SMAD5: variants seen among roughly 807,000 people sequenced by gnomAD.
The protein encoded by SMAD5 is SMAD family member 5.
SMAD5 carries 9 observed loss-of-function variants against 43.1 expected under a neutral mutation model. The observed-to-expected ratio is 0.21, with a 90% CI of 0.13 to 0.36. The LOEUF is 0.36. SMAD5 is among the 10% of genes least tolerant of loss of function. The probability of loss-of-function intolerance (pLI) is 1.00; values close to 1 mark genes in which losing one functional copy is unlikely to be tolerated. For synonymous variants in SMAD5, 190 were observed against 192.4 expected (o/e 0.99, Z 0.10); for missense variants, 348 against 574.0 (o/e 0.61, Z 4.02).
In SMAD5 at chr5:136,174,437, A is replaced by G; in HGVS notation, c.1059A>G (p.Ile353Met). The G allele has an allele frequency of 6.2e-7, 1 of 1,613,742 alleles. No individual in the cohort carries two copies. The highest frequency in any genetic ancestry group is 8.5e-7 in the Non-Finnish European group (1 of 1,179,654). Residue 353 changes from isoleucine (I) to methionine (M), a missense_variant, in exon 7 of 8, where the codon ATA becomes ATG. By Grantham distance (10) the Ile-to-Met change is conservative (BLOSUM62 1). Coordinates refer to ENST00000545279, the MANE Select transcript of SMAD5 (RefSeq NM_005903.7). ...CGGAATGCCTCAGTGACAGCAGCAT[A>G]TTTGTACAGAGTAGGAACTGCAACT... Reference protein sequence around the residue: ...VYAECLSDSSIFVQSRNCNFH... With the variant: ...VYAECLSDSSMFVQSRNCNFH...
Position 136,174,511 on chromosome 5 carries a change from G to A in SMAD5, c.1133G>A (p.Cys378Tyr). The A allele has an allele frequency of 6.2e-7, 1 of 1,613,924 alleles. No homozygotes were observed. The highest frequency in any genetic ancestry group is 1.1e-5 in the South Asian group (1 of 91,082). Residue 378 changes from cysteine to tyrosine, a missense_variant, in exon 7 of 8, where the codon TGC becomes TAC. By Grantham distance (194) the Cys-to-Tyr change is radical. Around this residue, in one of 5 missense-constraint regions of SMAD5, gnomAD observed 97 missense variants for 211.8 expected, o/e 0.46. Transcript: ENST00000545279. Reference sequence around the variant, plus strand: ...ACTGTCTGTAAGATTCCCAGCAGCTGCAGCCTCAAAATTTTTAACAATCAG... The same window carrying A: ...ACTGTCTGTAAGATTCCCAGCAGCTACAGCCTCAAAATTTTTAACAATCAG... ...PTTVCKIPSSCSLKIFNNQEF... is the reference protein window; with the variant it reads ...PTTVCKIPSSYSLKIFNNQEF...
Position 136,153,985 on chromosome 5 carries a change from C to G in SMAD5, c.225C>G (p.Arg75=), listed in dbSNP as rs532873646. 1.2e-5 allele frequency: 19 copies of G among 1,610,286 alleles called. No individual in the cohort carries two copies. In the East Asian group the frequency reaches 3.8e-4, roughly 32 times the overall value. ...CVTIPRSLDG[R]LQVSHRKGLP... ...CTATTCCCAGATCTTTAGATGGACG[C>G]CTGCAGGTTTCTCACAGAAAAGGCT... Residue 75 remains arginine (R), a synonymous_variant, in exon 3 of 8, where the codon CGC becomes CGG. Transcript: ENST00000545279.
At chr5:136,142,009 G>A (rs1356026231) in intron 1 of SMAD5, among the ~76,000 whole-genome samples, 1 of 152,118 alleles carries the variant, frequency 6.6e-6, no homozygotes, top group East Asian at 1.9e-4. Flanking sequence ...TATAGAATTA[G>A]ATGAAGCAGA....
intron 7 of SMAD5, among the ~76,000 whole-genome samples, chr5:136,175,136 A>C (rs894195889): frequency 1.3e-5 from 2 of 152,138 alleles, no homozygotes; most frequent in Admixed American, 6.5e-5. Flanking sequence ...AAACTATCGG[A>C]TCTTATGAGA....
chr5:136,138,672 AC>A (rs776866803), intron 1 of SMAD5, among the ~76,000 whole-genome samples: 211 of 151,866 alleles, frequency 1.4e-3, no homozygotes, highest in Non-Finnish European at 2.4e-3. Flanking sequence ...TTAAAGCTTT[AC>A]CCCCACATCC....
At position 136,164,858 on chromosome 5, in the gene SMAD5, T is replaced by G. The variant is rs75363254; in HGVS notation, c.775+1467T>G. On this transcript the variant is annotated intron_variant, in intron 5 of 7. Transcript: ENST00000545279. The stretch of plus-strand genomic sequence containing the variant: ...AAGTTCTATAGTTTTAGCTCTTATA[T>G]TAGGTCAGTGGTTCCTTTTGAGTTA... Among the ~76,000 whole-genome samples, 1,186 of 152,324 alleles carry G rather than the reference T, an allele frequency of 7.8e-3. 23 individuals carry two copies. The highest frequency in any genetic ancestry group is 0.027 in the African/African-American group (1,117 of 41,590).
intron 1 of SMAD5, among the ~76,000 whole-genome samples, chr5:136,140,593 G>A (rs1265189969): frequency 6.6e-6 from 1 of 151,950 alleles, no homozygotes; most frequent in Non-Finnish European, 1.5e-5. Context: ...ATATATGCCT[G>A]TTGGCTCACT....
chr5:136,169,027 C>T (rs1313469755), intron 5 of SMAD5, among the ~76,000 whole-genome samples: 3 of 152,040 alleles, frequency 2.0e-5, no homozygotes, highest in African/African-American at 7.2e-5. Context: ...CACGATAGGC[C>T]ATCTGCAAGT....
intron 5 of SMAD5, among the ~76,000 whole-genome samples, chr5:136,167,515 C>T (rs1754063289): frequency 6.6e-6 from 1 of 152,106 alleles, no homozygotes; most frequent in South Asian, 2.1e-4. Flanking sequence ...CAGTGGCTCA[C>T]TCCTGTAATC....
intron 3 of SMAD5, among the ~76,000 whole-genome samples, chr5:136,157,613 G>T (rs1392878176): frequency 6.6e-6 from 1 of 152,158 alleles, no homozygotes; most frequent in East Asian, 1.9e-4. Flanking sequence ...CTCATAAGGA[G>T]CGCACAACCT....
At chr5:136,136,861 C>G (rs1188550945) in intron 1 of SMAD5, among the ~76,000 whole-genome samples, 2 of 151,898 alleles carry the variant, frequency 1.3e-5, no homozygotes, top group South Asian at 4.2e-4. Context: ...ACGTCCAGCT[C>G]ATTTTTTGAA....
At chr5:136,172,232 CT>C (rs1225634656) in intron 5 of SMAD5, among the ~76,000 whole-genome samples, 1 of 152,146 alleles carries the variant, frequency 6.6e-6, no homozygotes, top group African/African-American at 2.4e-5. Flanking sequence ...ATTTCTATAA[CT>C]TTTTAAATTG....
rs1275691195 is a variant in SMAD5 at position 136,178,064 on chromosome 5, A to G, written c.*584A>G. Reference sequence around the variant, plus strand: ...TAAAAGCAAAATGATAGTTTTCTAGATGACATAAAATTTACATTTAATACA... The same window carrying G: ...TAAAAGCAAAATGATAGTTTTCTAGGTGACATAAAATTTACATTTAATACA... On this transcript the variant is annotated 3_prime_UTR_variant, in exon 8 of 8. Transcript: ENST00000545279. 1 of 152,672 alleles carries G rather than the reference A, an allele frequency of 6.5e-6. No individual in the cohort carries two copies. The highest frequency in any genetic ancestry group is 1.5e-5 in the Non-Finnish European group (1 of 68,062). The allele number at this position is 152,672 out of a possible 1,614,324, so 9.5% of individuals were successfully genotyped here.
In SMAD5 at chr5:136,148,254, G is replaced by GTT. The variant is rs139474987; in HGVS notation, c.-170+349_-170+350dup. ...ACATTTGTGGCATTAGCTTTAAGTTGTTCTTTTTTTTGCAAAAATATTGAT... is the reference window on the plus strand; with the variant it reads ...ACATTTGTGGCATTAGCTTTAAGTTGTTTTCTTTTTTTTGCAAAAATATTGAT... On this transcript the variant is annotated intron_variant, in intron 2 of 7. Transcript: ENST00000545279. Among the ~76,000 whole-genome samples the GTT allele has an allele frequency of 1.7e-3, 263 of 150,350 alleles. 2 individuals are homozygous for GTT. The highest frequency in any genetic ancestry group is 5.4e-3 in the African/African-American group (220 of 40,860).
chr5:136,167,922 C>T (rs1754077075), intron 5 of SMAD5, among the ~76,000 whole-genome samples: 1 of 151,838 alleles, frequency 6.6e-6, no homozygotes, highest in East Asian at 1.9e-4. Context: ...GGATTGAATA[C>T]AGCGGCACAA....
intron 1 of SMAD5, among the ~76,000 whole-genome samples, chr5:136,142,727 A>G (rs937881554): frequency 6.6e-6 from 1 of 152,128 alleles, no homozygotes; most frequent in Non-Finnish European, 1.5e-5. Flanking sequence ...TGTCTGTTCA[A>G]TTATTGGCTC....
intron 5 of SMAD5, among the ~76,000 whole-genome samples, chr5:136,168,137 A>G (rs1580794770): frequency 1.3e-5 from 2 of 152,190 alleles, no homozygotes; most frequent in South Asian, 4.1e-4. Context: ...CACCGCACCC[A>G]GCCATATTCC....
intron 2 of SMAD5, among the ~76,000 whole-genome samples, chr5:136,149,190 T>G (rs1006480339): frequency 2.0e-5 from 3 of 151,974 alleles, no homozygotes; most frequent in Non-Finnish European, 4.4e-5. Flanking sequence ...TGTGAAGTAT[T>G]CCATTTTATG....
intron 3 of SMAD5, among the ~76,000 whole-genome samples, chr5:136,156,538 A>C (rs940910123): frequency 2.6e-5 from 4 of 152,186 alleles, no homozygotes; most frequent in Non-Finnish European, 4.4e-5. Context: ...GAGTGTCTTT[A>C]GACAGTTGGT....
Sources: gnomAD v4.1 joint callset for allele counts (sites outside exome capture counted in the v4.1 genomes callset) on GRCh38, gnomAD v4.1.1 for gene constraint, gnomAD v4.1.1 regional missense constraint, MANE v1.5 for transcripts, NCBI Gene and HGNC (gene_info 2026-07-23, HGNC 2026-07-21) for gene names.